Variants in RPH3A observed in about 807,000 individuals in gnomAD.
The protein encoded by RPH3A is rabphilin-3A.
RPH3A carries 48 observed loss-of-function variants against 102.2 expected under a neutral mutation model. That is an observed-to-expected ratio of 0.47 (90% confidence interval 0.37 to 0.60). The LOEUF (loss-of-function observed/expected upper bound fraction) is 0.60. Ranked by LOEUF, RPH3A falls within the 20% of genes least tolerant of loss-of-function variation. RPH3A has a pLI of 0.00. For synonymous variants in RPH3A, 310 were observed against 324.3 expected (o/e 0.96, Z 0.47); for missense variants, 781 against 910.1 (o/e 0.86, Z 1.83).
At chr12:112,627,420 G>A (rs973897684) in intron 1 of RPH3A, among the ~76,000 whole-genome samples, 1 of 148,982 alleles carries the variant, frequency 6.7e-6, no homozygotes, top group Non-Finnish European at 1.5e-5. Flanking sequence ...TGATGTAATT[G>A]TATGTAACAA....
intron 1 of RPH3A, among the ~76,000 whole-genome samples, chr12:112,630,275 T>G (rs1273238959): frequency 1.3e-5 from 2 of 152,160 alleles, no homozygotes; most frequent in Admixed American, 6.5e-5. Flanking sequence ...TCCTTGAAAC[T>G]CACAATGATT....
chr12:112,664,161 G>T (rs1347112634), intron 1 of RPH3A, among the ~76,000 whole-genome samples: 3 of 150,584 alleles, frequency 2.0e-5, no homozygotes, highest in Non-Finnish European at 4.4e-5. Flanking sequence ...CCTTAGAGAG[G>T]GGTACAAGCG....
At chr12:112,801,194 A>G (rs1351432311) in intron 2 of RPH3A, among the ~76,000 whole-genome samples, 1 of 152,042 alleles carries the variant, frequency 6.6e-6, no homozygotes, top group Non-Finnish European at 1.5e-5. Context: ...TCTGATCTGA[A>G]CCTGTTGTTC....
intron 1 of RPH3A, among the ~76,000 whole-genome samples, chr12:112,732,601 G>A (rs2040642533): frequency 6.6e-6 from 1 of 152,206 alleles, no homozygotes; most frequent in South Asian, 2.1e-4. Flanking sequence ...GGAAGGAGAG[G>A]AAGGGAGCAG....
At chr12:112,790,062 C>CTT (rs74928491), upstream of RPH3A, among the ~76,000 whole-genome samples, 1 of 145,642 alleles carries the variant, frequency 6.9e-6, no homozygotes. Context: ...CTGTCTTTTT[C>CTT]TTTTTTTTTT....
At chr12:112,602,080 C>T (rs2039563489) in intron 1 of RPH3A, among the ~76,000 whole-genome samples, 1 of 152,178 alleles carries the variant, frequency 6.6e-6, no homozygotes, top group African/African-American at 2.4e-5. Flanking sequence ...CAAGAGCCTT[C>T]AGATAGACTG....
At chr12:112,879,891 GAGAA>G (rs1321612579) in intron 14 of RPH3A, among the ~76,000 whole-genome samples, 1 of 152,182 alleles carries the variant, frequency 6.6e-6, no homozygotes, top group Non-Finnish European at 1.5e-5. Flanking sequence ...TGTGACTTGG[GAGAA>G]GTGACTTAAA....
At chr12:112,709,904 C>T (rs1371280283) in intron 1 of RPH3A, among the ~76,000 whole-genome samples, 2 of 152,288 alleles carry the variant, frequency 1.3e-5, no homozygotes, top group African/African-American at 2.4e-5. Context: ...TTGCCCAAGG[C>T]CACAAAGCAG....
chr12:112,605,533 C>T (rs10850064), intron 1 of RPH3A, among the ~76,000 whole-genome samples: 23,433 of 152,208 alleles, frequency 0.15, 3,531 homozygotes, highest in East Asian at 0.64. Context: ...TGGACATGCC[C>T]ATAGTTCTAG....
At chr12:112,774,576 A>C (rs2040950863) in intron 1 of RPH3A, among the ~76,000 whole-genome samples, 1 of 152,160 alleles carries the variant, frequency 6.6e-6, no homozygotes, top group African/African-American at 2.4e-5. Context: ...GGTTGGTGAG[A>C]ATGAAAATCC....
chr12:112,894,240 A>G, intron 19 of RPH3A: 2 of 314,738 alleles, frequency 6.4e-6, no homozygotes, highest in Non-Finnish European at 1.1e-5. Flanking sequence ...GAAAGTGAGC[A>G]TGCTAAGAAC....
intron 1 of RPH3A, among the ~76,000 whole-genome samples, chr12:112,669,655 A>G (rs1406634531): frequency 6.6e-6 from 1 of 152,232 alleles, no homozygotes; most frequent in African/African-American, 2.4e-5. Context: ...GTTTTTATAA[A>G]CATATTTTCT....
chr12:112,630,693 C>A (rs985455920), intron 1 of RPH3A, among the ~76,000 whole-genome samples: 2 of 152,196 alleles, frequency 1.3e-5, no homozygotes, highest in African/African-American at 2.4e-5. Context: ...TATCCACTCC[C>A]TTTCCTCTCT....
chr12:112,746,087 C>A (rs529613850), intron 1 of RPH3A, among the ~76,000 whole-genome samples: 4 of 152,132 alleles, frequency 2.6e-5, no homozygotes, highest in South Asian at 4.1e-4. Context: ...CAGAGTACTA[C>A]GTGTGTTTCA....
chr12:112,825,144 A>G (rs533095142), intron 2 of RPH3A, among the ~76,000 whole-genome samples: 3 of 151,916 alleles, frequency 2.0e-5, no homozygotes, highest in South Asian at 4.2e-4. Flanking sequence ...ACAGGCAATA[A>G]TGAGACATTA....
intron 1 of RPH3A, among the ~76,000 whole-genome samples, chr12:112,693,327 G>C (rs2040321593): frequency 6.6e-6 from 1 of 152,162 alleles, no homozygotes; most frequent in Non-Finnish European, 1.5e-5. Flanking sequence ...TGGTGACATG[G>C]GGTCACCTTT....
chr12:112,874,392 T>C (rs1318413341), intron 10 of RPH3A, among the ~76,000 whole-genome samples: 1 of 152,180 alleles, frequency 6.6e-6, no homozygotes, highest in African/African-American at 2.4e-5. Flanking sequence ...ATCTATAAAA[T>C]GGAGATCATA....
At chr12:112,847,129 A>T (rs534059738) in intron 4 of RPH3A, among the ~76,000 whole-genome samples, 76 of 152,306 alleles carry the variant, frequency 5.0e-4, no homozygotes, top group African/African-American at 1.7e-3. Flanking sequence ...TAATTAGGTA[A>T]TGTGGGCACC....
chr12:112,798,910 C>T (rs2041287336), intron 2 of RPH3A, among the ~76,000 whole-genome samples: 1 of 152,066 alleles, frequency 6.6e-6, no homozygotes, highest in Admixed American at 6.6e-5. Flanking sequence ...TCTCCGTCTT[C>T]CTCCTCTCCT....
Sources: allele counts gnomAD v4.1 joint callset (sites outside exome capture counted in the v4.1 genomes callset), GRCh38; gene constraint gnomAD v4.1.1; transcripts MANE v1.5; gene names NCBI Gene and HGNC (gene_info 2026-07-23, HGNC 2026-07-21).